The following GDAP1 variants were observed in gnomAD, a reference collection of about 807,000 sequenced individuals.
GDAP1 encodes the protein ganglioside induced differentiation associated protein 1.
In GDAP1, 34 loss-of-function variants were observed where a neutral mutation model predicts 40.1. That is an observed-to-expected ratio of 0.85 (90% CI 0.64 to 1.13). The LOEUF is 1.13. Among genes scored for constraint, GDAP1 ranks in the 50% most tolerant of loss-of-function variants. The pLI is 0.00. For missense variants in GDAP1, 374 were observed against 433.7 expected (o/e 0.86, Z 1.22); for synonymous variants, 170 against 157.4 (o/e 1.08, Z -0.60).
chr8:74,362,300 C>T (rs1378705371), intron 4 of GDAP1, among the ~76,000 whole-genome samples: 1 of 152,172 alleles, frequency 6.6e-6, no homozygotes, highest in African/African-American at 2.4e-5. Flanking sequence ...AGACCTACAT[C>T]CCTCCATGTG....
downstream of GDAP1, among the ~76,000 whole-genome samples, chr8:74,371,576 C>T (rs1459227759): frequency 4.6e-5 from 7 of 151,510 alleles, no homozygotes; most frequent in South Asian, 1.3e-3. Flanking sequence ...AGGAGAATGG[C>T]GTGAACCCGG....
At chr8:74,435,636 C>T (rs1806079580) in intron 2 of GDAP1, among the ~76,000 whole-genome samples, 1 of 152,160 alleles carries the variant, frequency 6.6e-6, no homozygotes, top group Admixed American at 6.5e-5. Context: ...AATTAATCAG[C>T]TTTCAGATCA....
At chr8:74,377,775 T>C (rs1809881823) in intron 2 of GDAP1, among the ~76,000 whole-genome samples, 1 of 152,226 alleles carries the variant, frequency 6.6e-6, no homozygotes, top group Non-Finnish European at 1.5e-5. Context: ...CTTAGGTATT[T>C]ATCCCAAAGA....
At chr8:74,475,401 C>A (rs566944161) in intron 2 of GDAP1, among the ~76,000 whole-genome samples, 21 of 152,026 alleles carry the variant, frequency 1.4e-4, no homozygotes, top group Non-Finnish European at 2.9e-4. Flanking sequence ...ATCTTTCTAA[C>A]TTTTTGATAT....
At chr8:74,433,455 T>A (rs565493282) in intron 2 of GDAP1, among the ~76,000 whole-genome samples, 83 of 152,336 alleles carry the variant, frequency 5.4e-4, no homozygotes, top group African/African-American at 1.7e-3. Flanking sequence ...TTTTCTAACC[T>A]GTTTACTAGA....
chr8:74,384,468 A>T (rs1809997269), intron 2 of GDAP1, among the ~76,000 whole-genome samples: 1 of 152,194 alleles, frequency 6.6e-6, no homozygotes, highest in African/African-American at 2.4e-5. Flanking sequence ...GTTCAACTCT[A>T]AATTTAAAAC....
At chr8:74,363,961 C>A in intron 5 of GDAP1, 24 bp from the exon 6 acceptor site, 1 of 1,611,700 alleles carries the variant, frequency 6.2e-7, no homozygotes, top group Non-Finnish European at 8.5e-7. Context: ...GCCTCTAATT[C>A]TCTATGTCCC....
intron 2 of GDAP1, among the ~76,000 whole-genome samples, chr8:74,387,166 G>A (rs1055605728): frequency 2.0e-5 from 3 of 152,092 alleles, no homozygotes; most frequent in East Asian, 3.9e-4. Context: ...TTTGAATACC[G>A]TTTATTTCTT....
intron 2 of GDAP1, among the ~76,000 whole-genome samples, chr8:74,357,573 T>C (rs1809160443): frequency 6.6e-6 from 1 of 152,232 alleles, no homozygotes; most frequent in African/African-American, 2.4e-5. Flanking sequence ...TATCTGCTGG[T>C]TTATAATTTG....
intron 2 of GDAP1, among the ~76,000 whole-genome samples, chr8:74,432,532 C>T (rs16938905): frequency 0.19 from 28,699 of 152,042 alleles, 2,939 homozygotes; most frequent in Admixed American, 0.31. Flanking sequence ...TCTAGAGTAA[C>T]GTTCCACTCT....
intron 2 of GDAP1, among the ~76,000 whole-genome samples, chr8:74,407,934 A>G (rs1266399506): frequency 6.7e-6 from 1 of 149,880 alleles, no homozygotes; most frequent in African/African-American, 2.5e-5. Context: ...TTTTTTTTCA[A>G]GGAAAAACTC....
chr8:74,479,369 T>C (rs1309906333), intron 2 of GDAP1, among the ~76,000 whole-genome samples: 1 of 152,182 alleles, frequency 6.6e-6, no homozygotes, highest in South Asian at 2.1e-4. Flanking sequence ...TTTATGTCCT[T>C]ACCTATTTTT....
downstream of GDAP1, among the ~76,000 whole-genome samples, chr8:74,368,520 C>T (rs1199180890): frequency 6.6e-6 from 1 of 152,152 alleles, no homozygotes; most frequent in Non-Finnish European, 1.5e-5. Flanking sequence ...ATTCTTATTG[C>T]TCTGCTCATT....
intron 2 of GDAP1, among the ~76,000 whole-genome samples, chr8:74,396,059 C>T (rs531012630): frequency 6.6e-6 from 1 of 152,176 alleles, no homozygotes; most frequent in African/African-American, 2.4e-5. Flanking sequence ...TATATGTACA[C>T]AAATTCCTTA....
At chr8:74,437,260 C>T (rs1339458495) in intron 2 of GDAP1, among the ~76,000 whole-genome samples, 1 of 152,192 alleles carries the variant, frequency 6.6e-6, no homozygotes, top group African/African-American at 2.4e-5. Context: ...TGGTTTAACT[C>T]TCCCATTATA....
intron 2 of GDAP1, among the ~76,000 whole-genome samples, chr8:74,379,989 A>G (rs1809921320): frequency 6.6e-6 from 1 of 152,136 alleles, no homozygotes; most frequent in Admixed American, 6.5e-5. Flanking sequence ...CCAGTTTTGG[A>G]TTTTGATAGC....
intron 2 of GDAP1, among the ~76,000 whole-genome samples, chr8:74,472,408 G>A (rs572393989): frequency 6.6e-6 from 1 of 152,330 alleles, no homozygotes; most frequent in East Asian, 1.9e-4. Context: ...AGGGATGCAT[G>A]TGTCTTTATG....
intron 2 of GDAP1, among the ~76,000 whole-genome samples, chr8:74,443,045 G>A (rs1014328333): frequency 6.6e-6 from 1 of 152,192 alleles, no homozygotes; most frequent in Admixed American, 6.5e-5. Context: ...GGCAATGGGA[G>A]TTTAAAAATT....
intron 2 of GDAP1, among the ~76,000 whole-genome samples, chr8:74,434,077 T>TGAA (rs1806059670): frequency 1.3e-5 from 2 of 152,214 alleles, no homozygotes; most frequent in Admixed American, 6.5e-5. Context: ...ATCTTATAGC[T>TGAA]TTCACTGAGT....
Sources: allele counts gnomAD v4.1 joint callset (sites outside exome capture counted in the v4.1 genomes callset), GRCh38; gene constraint gnomAD v4.1.1; transcripts MANE v1.5; gene names NCBI Gene and HGNC (gene_info 2026-07-23, HGNC 2026-07-21).